The following GDPD4 variants were observed in gnomAD, a reference collection of about 807,000 sequenced individuals.
GDPD4 encodes glycerophosphodiester phosphodiesterase domain containing 4.
GDPD4 carries 60 observed loss-of-function variants against 67.8 expected under a neutral mutation model. The ratio of observed to expected loss-of-function variants is 0.88; its 90% CI spans 0.72 to 1.10. GDPD4 has a LOEUF of 1.10. Among genes scored for constraint, GDPD4 ranks in the 50% least tolerant of loss-of-function variants. The pLI is 0.00. For missense variants in GDPD4, 623 were observed against 613.9 expected, an observed-to-expected ratio of 1.01 and a Z score of -0.16; for synonymous variants, 212 against 210.9, an observed-to-expected ratio of 1.00 and a Z score of -0.04.
intron 13 of GDPD4, among the ~76,000 whole-genome samples, chr11:77,242,972 T>C (rs1435746604): frequency 3.9e-5 from 6 of 152,016 alleles, no homozygotes; most frequent in Non-Finnish European, 7.4e-5. Context: ...CTATATATTA[T>C]GTATCTCTAA....
chr11:77,226,562 C>T (rs1230266578), intron 16 of GDPD4, among the ~76,000 whole-genome samples: 1 of 152,188 alleles, frequency 6.6e-6, no homozygotes, highest in African/African-American at 2.4e-5. Context: ...TCTGGGATTT[C>T]TAGCCTCCAG....
intron 10 of GDPD4, among the ~76,000 whole-genome samples, chr11:77,262,271 T>C: frequency 6.6e-6 from 1 of 152,102 alleles, no homozygotes; most frequent in East Asian, 1.9e-4. Context: ...ATTCCTCAAA[T>C]CCTAATTATG....
intron 16 of GDPD4, among the ~76,000 whole-genome samples, chr11:77,225,017 T>C (rs11237133): frequency 0.04 from 6,049 of 151,598 alleles, 431 homozygotes; most frequent in African/African-American, 0.14. Flanking sequence ...GGCAGGAGGA[T>C]TGTTTGAGCC....
In GDPD4 at chr11:77,262,843, T is replaced by C. The variant is rs1428760965; in HGVS notation, c.708-4301A>G. Among the ~76,000 whole-genome samples the C allele has an allele frequency of 2.3e-5, 3 of 130,050 alleles. No homozygotes were observed. The Admixed American group carries it at 2.4e-4, about 10-fold the overall frequency. 85.3% of individuals were successfully genotyped at this position (130,050 alleles called of 152,430 possible). A position where few individuals can be genotyped will look rare whatever the true frequency, so the allele number is the denominator to read the frequency against. On this transcript the variant is annotated intron_variant, in intron 10 of 16. Transcript: ENST00000315938. ...CATTTGATGACTCTATCACTAAATC[T>C]TTCTCTGCTGCAAAAAAAAAAAAAA... is the stretch of plus-strand genomic sequence containing the variant.
chr11:77,258,573 G>A (rs201734058), intron 10 of GDPD4, 31 bp from the exon 11 acceptor site: 13 of 1,609,834 alleles, frequency 8.1e-6, no homozygotes, highest in South Asian at 1.1e-5. Flanking sequence ...AAGGGCAGGG[G>A]TAGATAGGCT....
At chr11:77,270,055 A>G in intron 7 of GDPD4, 95 bp from the exon 8 acceptor site, 1 of 629,772 alleles carries the variant, frequency 1.6e-6, no homozygotes, top group Non-Finnish European at 2.8e-6. Context: ...CTCCACACAC[A>G]AGCATATATA....
chr11:77,217,564 C>A (rs965836577), intron 16 of GDPD4, among the ~76,000 whole-genome samples: 1 of 152,194 alleles, frequency 6.6e-6, no homozygotes, highest in Non-Finnish European at 1.5e-5. Flanking sequence ...CCTCAGAAAG[C>A]AGAGACTGAC....
intron 10 of GDPD4, among the ~76,000 whole-genome samples, chr11:77,266,002 A>T (rs1959176323): frequency 6.6e-6 from 1 of 152,140 alleles, no homozygotes; most frequent in Non-Finnish European, 1.5e-5. Flanking sequence ...ATTCATTTTT[A>T]TTGCTGGGTA....
chr11:77,282,639 A>G (rs1214151531), intron 3 of GDPD4, among the ~76,000 whole-genome samples: 1 of 151,970 alleles, frequency 6.6e-6, no homozygotes, highest in Non-Finnish European at 1.5e-5. Flanking sequence ...AGCCAAGATC[A>G]TCATATCACT....
At chr11:77,268,595 C>A (rs1366399243) in intron 9 of GDPD4, 56 bp from the exon 10 acceptor site, 28 of 1,351,832 alleles carry the variant, frequency 2.1e-5, no homozygotes, top group African/African-American at 2.9e-5. Context: ...TCCCAGCATT[C>A]CTTTTGTGGT....
At chr11:77,228,690 A>G (rs1247719499) in intron 15 of GDPD4, among the ~76,000 whole-genome samples, 1 of 152,022 alleles carries the variant, frequency 6.6e-6, no homozygotes, top group African/African-American at 2.4e-5. Context: ...CCCATCTCAA[A>G]AAAACGAACA....
intron 13 of GDPD4, among the ~76,000 whole-genome samples, chr11:77,237,169 G>A (rs1016446962): frequency 6.6e-6 from 1 of 152,128 alleles, no homozygotes; most frequent in African/African-American, 2.4e-5. Context: ...AGTTAACCCT[G>A]CAGAAACTCA....
intron 13 of GDPD4, among the ~76,000 whole-genome samples, chr11:77,239,485 A>G (rs1333614960): frequency 6.6e-6 from 1 of 152,258 alleles, no homozygotes; most frequent in Admixed American, 6.5e-5. Flanking sequence ...TATCGGTTGC[A>G]AAGTTGCAGG....
At position 77,269,910 on chromosome 11, in the gene GDPD4, G is replaced by T. The variant is rs112934886; in HGVS notation, c.451C>A (p.Gln151Lys). The change falls in exon 8 of 17, where the codon CAA (glutamine) becomes AAA (lysine). Residue 151 changes from glutamine (Q) to lysine (K), a missense_variant. Coordinates refer to ENST00000315938, the MANE Select transcript of GDPD4 (RefSeq NM_182833.3). ...CTTAACCTTGTGATTACATTACATT[G>T]CTTGAGTCTTTTTTTCTCAGAATGT... is the stretch of plus-strand genomic sequence containing the variant. ...MTHSEKKRLK[Q>K]CNVITRLRGL... 6.4e-4 allele frequency: 1,014 copies of T among 1,588,290 alleles called. 8 individuals are homozygous for T. In the African/African-American group the frequency reaches 0.012, roughly 18 times the overall value.
chr11:77,255,950 A>G (rs530687078), intron 11 of GDPD4, among the ~76,000 whole-genome samples: 2 of 152,322 alleles, frequency 1.3e-5, no homozygotes, highest in East Asian at 1.9e-4. Flanking sequence ...ATGTTTCTGA[A>G]TGTACTTAGA....
chr11:77,268,338 T>C, intron 10 of GDPD4, 119 bp downstream of exon 10: 1 of 704,222 alleles, frequency 1.4e-6, no homozygotes, highest in Non-Finnish European at 2.6e-6. Context: ...ATATGCCATA[T>C]GAACACAGGA....
At chr11:77,286,939 C>T (rs1960019186) in intron 2 of GDPD4, 2 of 152,022 alleles carry the variant, frequency 1.3e-5, no homozygotes, top group Admixed American at 6.6e-5. Flanking sequence ...CTTCAAGATT[C>T]ACTGAATGAA....
intron 10 of GDPD4, among the ~76,000 whole-genome samples, chr11:77,259,207 T>C (rs11600983): frequency 0.27 from 41,076 of 152,012 alleles, 6,729 homozygotes; most frequent in East Asian, 0.46. Flanking sequence ...CTCGAACTCC[T>C]GGCCTCAAGT....
In GDPD4 at chr11:77,279,434, G is replaced by A. The variant is rs115282139; in HGVS notation, c.54-35C>T. 5.6e-3 allele frequency: 7,244 copies of A among 1,300,678 alleles called. 335 individuals carry two copies. The African/African-American group carries it at 0.094, about 17-fold the overall frequency. 80.6% of individuals were successfully genotyped at this position (1,300,678 alleles called of 1,614,324 possible). ...AATGTGTTTCAGTTCTTAAAATAAT[G>A]CAGAAATCAGTAGCATCTGTGTCAA... is the stretch of plus-strand genomic sequence containing the variant. On this transcript the variant is annotated intron_variant, in intron 3 of 16. Transcript: ENST00000315938.
Sources: allele counts gnomAD v4.1 joint callset (sites outside exome capture counted in the v4.1 genomes callset), GRCh38; gene constraint gnomAD v4.1.1; transcripts MANE v1.5; gene names NCBI Gene and HGNC (gene_info 2026-07-23, HGNC 2026-07-21).